Variants in CREBBP observed in about 807,000 individuals in gnomAD.
CREBBP encodes CREB binding lysine acetyltransferase.
Under a neutral mutation model 265.0 loss-of-function variants are expected in CREBBP, and 19 were observed. That is an observed-to-expected ratio of 0.07 (90% CI 0.05 to 0.11). CREBBP has a LOEUF of 0.11. Among genes scored for constraint, CREBBP ranks in the 10% least tolerant of loss-of-function variants. CREBBP has a pLI of 1.00. For missense variants in CREBBP, 2,525 were observed against 3,219.0 expected, an observed-to-expected ratio of 0.78 and a Z score of 5.22; for synonymous variants, 1,457 against 1,223.7, an observed-to-expected ratio of 1.19 and a Z score of -3.98.
chr16:3,819,290 C>A (rs2054098163), intron 2 of CREBBP, among the ~76,000 whole-genome samples: 1 of 152,232 alleles, frequency 6.6e-6, no homozygotes, highest in Non-Finnish European at 1.5e-5. Context: ...GTTTTATCAT[C>A]TGTAAAATGG....
chr16:3,744,720 T>A (rs1284230229), intron 23 of CREBBP, among the ~76,000 whole-genome samples, 174 bp downstream of exon 23: 1 of 152,024 alleles, frequency 6.6e-6, no homozygotes, highest in African/African-American at 2.4e-5. Context: ...CTGGCCTGGC[T>A]CTCCTTAAGG....
intron 16 of CREBBP, among the ~76,000 whole-genome samples, chr16:3,765,885 G>T (rs1331914060): frequency 6.6e-6 from 1 of 152,040 alleles, no homozygotes; most frequent in South Asian, 2.1e-4. Context: ...CTCCAGGCTA[G>T]AGTGCAGTGG....
Position 3,879,969 on chromosome 16 carries a change from G to A in CREBBP, c.-53C>T, listed in dbSNP as rs2055493531. ...GGCACGGGCGGCCGGGCCGGCGAGG[G>A]CCCGGACGGGGGTCGGGGGCCCTGC... On this transcript the variant is annotated 5_prime_UTR_variant, in exon 1 of 31. Coordinates refer to ENST00000262367, the MANE Select transcript of CREBBP (RefSeq NM_004380.3). The A allele has an allele frequency of 7.1e-6, 11 of 1,546,634 alleles. No individual in the cohort carries two copies. The highest frequency in any genetic ancestry group is 2.3e-5 in the South Asian group (2 of 86,134).
At chr16:3,786,119 T>C (rs1291561595) in intron 5 of CREBBP, among the ~76,000 whole-genome samples, 4 of 152,238 alleles carry the variant, frequency 2.6e-5, no homozygotes, top group Admixed American at 6.5e-5. Context: ...TCCCAGCACT[T>C]TGGGAGGCCG....
chr16:3,812,086 T>C (rs1008319580), intron 2 of CREBBP, among the ~76,000 whole-genome samples: 1 of 152,054 alleles, frequency 6.6e-6, no homozygotes, highest in Non-Finnish European at 1.5e-5. Context: ...GGAGAGAGCC[T>C]GGTAAGGTAC....
intron 1 of CREBBP, among the ~76,000 whole-genome samples, chr16:3,868,877 T>G (rs2055234755): frequency 6.6e-6 from 1 of 152,168 alleles, no homozygotes; most frequent in African/African-American, 2.4e-5. Context: ...AAAATGTGCT[T>G]AAATATTTGC....
chr16:3,761,349 G>A (rs988144276), intron 16 of CREBBP, among the ~76,000 whole-genome samples: 37 of 152,176 alleles, frequency 2.4e-4, no homozygotes, highest in African/African-American at 8.0e-4. Flanking sequence ...GTTGGGAAGC[G>A]GCAAGCATCA....
intron 19 of CREBBP, among the ~76,000 whole-genome samples, chr16:3,752,131 C>T (rs765622454): frequency 1.3e-4 from 20 of 152,268 alleles, no homozygotes; most frequent in African/African-American, 4.6e-4. Flanking sequence ...CTAACAACGA[C>T]AGGCTCGGTC....
At chr16:3,772,986 G>T (rs1017436372) in intron 13 of CREBBP, among the ~76,000 whole-genome samples, 1 of 151,576 alleles carries the variant, frequency 6.6e-6, no homozygotes, top group African/African-American at 2.4e-5. Flanking sequence ...TACTTGGCAG[G>T]CTTAGGCAGG....
chr16:3,824,099 G>A (rs1016871815), intron 2 of CREBBP, among the ~76,000 whole-genome samples: 4 of 152,206 alleles, frequency 2.6e-5, no homozygotes, highest in Non-Finnish European at 5.9e-5. Context: ...AGAGACACAA[G>A]CCACAAGGAA....
intron 16 of CREBBP, 85 bp from the exon 17 acceptor site, chr16:3,759,057 C>A: frequency 9.5e-7 from 1 of 1,050,596 alleles, no homozygotes; most frequent in South Asian, 1.3e-5. Flanking sequence ...ATCCTGGCTG[C>A]TGTGACATCC....
At chr16:3,761,820 G>A (rs1009811771) in intron 16 of CREBBP, among the ~76,000 whole-genome samples, 1 of 152,190 alleles carries the variant, frequency 6.6e-6, no homozygotes, top group African/African-American at 2.4e-5. Context: ...ATGCACAGAC[G>A]AAGCAGCATT....
At chr16:3,872,466 A>T (rs1394249921) in intron 1 of CREBBP, among the ~76,000 whole-genome samples, 1 of 152,196 alleles carries the variant, frequency 6.6e-6, no homozygotes, top group African/African-American at 2.4e-5. Context: ...CCCCACAGGC[A>T]CTGCTCCCAA....
intron 1 of CREBBP, among the ~76,000 whole-genome samples, chr16:3,873,559 C>G (rs557445525): frequency 6.6e-6 from 1 of 152,162 alleles, no homozygotes; most frequent in Non-Finnish European, 1.5e-5. Context: ...TTACAAGGTA[C>G]GACAACGTCC....
At chr16:3,770,328 T>G (rs545578602) in intron 14 of CREBBP, among the ~76,000 whole-genome samples, 1 of 152,250 alleles carries the variant, frequency 6.6e-6, no homozygotes, top group Admixed American at 6.5e-5. Flanking sequence ...ACTACAGGAC[T>G]ACAGGCACAC....
chr16:3,785,804 A>G (rs149958453), intron 5 of CREBBP, among the ~76,000 whole-genome samples: 2 of 152,280 alleles, frequency 1.3e-5, no homozygotes, highest in East Asian at 3.9e-4. Context: ...TAGAGCATAA[A>G]GCTCTAACTT....
At chr16:3,827,606 T>C (rs1321834918) in intron 2 of CREBBP, among the ~76,000 whole-genome samples, 1 of 152,108 alleles carries the variant, frequency 6.6e-6, no homozygotes. Flanking sequence ...TTAGCTAGGA[T>C]AGTCTCGATC....
chr16:3,860,573 A>AT (rs2055052358), intron 1 of CREBBP, among the ~76,000 whole-genome samples: 1 of 152,238 alleles, frequency 6.6e-6, no homozygotes, highest in African/African-American at 2.4e-5. Context: ...GCACATGTTA[A>AT]TTGGCTCAAT....
intron 27 of CREBBP, 82 bp from the exon 28 acceptor site, chr16:3,736,285 G>C: frequency 1.4e-6 from 2 of 1,429,476 alleles, no homozygotes; most frequent in East Asian, 2.3e-5. Flanking sequence ...CCACGCAAGC[G>C]TGCCCCTCAC....
Sources: allele counts gnomAD v4.1 joint callset (sites outside exome capture counted in the v4.1 genomes callset), GRCh38; gene constraint gnomAD v4.1.1; transcripts MANE v1.5; gene names NCBI Gene and HGNC (gene_info 2026-07-23, HGNC 2026-07-21).